ABCC1: variants seen among roughly 807,000 people sequenced by gnomAD.
The protein encoded by ABCC1 is multidrug resistance-associated protein 1.
A neutral mutation model predicts 172.9 loss-of-function variants in ABCC1; 83 were observed. The ratio of observed to expected loss-of-function variants is 0.48; its 90% CI spans 0.40 to 0.58. The LOEUF is 0.58. Among genes scored for constraint, ABCC1 ranks in the 20% least tolerant of loss-of-function variants. The pLI is 0.00. For missense variants in ABCC1, 1,817 were observed against 2,002.7 expected, an observed-to-expected ratio of 0.91 and a Z score of 1.77; for synonymous variants, 937 against 825.2, an observed-to-expected ratio of 1.14 and a Z score of -2.32.
intron 22 of ABCC1, among the ~76,000 whole-genome samples, chr16:16,113,653 C>T (rs1195015876): frequency 6.6e-6 from 1 of 152,066 alleles, no homozygotes; most frequent in Admixed American, 6.6e-5. Flanking sequence ...AGAGAGACCC[C>T]ATCTCAAAAG....
chr16:16,132,661 A>AC (rs2045749484), intron 27 of ABCC1, among the ~76,000 whole-genome samples: 1 of 151,408 alleles, frequency 6.6e-6, no homozygotes, highest in Non-Finnish European at 1.5e-5. Context: ...AGCTGGGACT[A>AC]CAGGCATGCG....
chr16:16,115,203 T>C, intron 23 of ABCC1, 127 bp downstream of exon 23: 1 of 1,122,388 alleles, frequency 8.9e-7, no homozygotes, highest in Non-Finnish European at 1.2e-6. Context: ...GATTTGTTTT[T>C]GTCAGTTTCG....
chr16:16,131,096 G>A (rs1359972044), intron 26 of ABCC1, among the ~76,000 whole-genome samples: 11 of 152,108 alleles, frequency 7.2e-5, no homozygotes, highest in Non-Finnish European at 1.3e-4. Context: ...ACTCCAGCCT[G>A]GGCGACAGAG....
intron 23 of ABCC1, among the ~76,000 whole-genome samples, chr16:16,118,262 A>G (rs1016241372): frequency 6.6e-6 from 1 of 152,150 alleles, no homozygotes; most frequent in African/African-American, 2.4e-5. Context: ...ACCACGCTGC[A>G]CAGCTGTTCA....
intron 7 of ABCC1, among the ~76,000 whole-genome samples, chr16:16,043,411 G>A (rs564792348): frequency 1.3e-5 from 2 of 150,924 alleles, no homozygotes; most frequent in South Asian, 4.2e-4. Context: ...CGATTCTCCT[G>A]CCTCAGCCTC....
At chr16:16,044,920 G>C (rs1480716759) in intron 8 of ABCC1, among the ~76,000 whole-genome samples, 1 of 152,142 alleles carries the variant, frequency 6.6e-6, no homozygotes, top group Non-Finnish European at 1.5e-5. Flanking sequence ...AAAGTGCTGG[G>C]ATTGCAGATG....
intron 13 of ABCC1, among the ~76,000 whole-genome samples, chr16:16,071,008 T>C (rs2050324908): frequency 6.6e-6 from 1 of 152,206 alleles, no homozygotes; most frequent in South Asian, 2.1e-4. Context: ...TTGAATTGGC[T>C]CTGTTGCATT....
chr16:16,141,471 G>A lies in ABCC1; in HGVS notation c.*190G>A. The A allele has an allele frequency of 1.7e-6, 1 of 592,514 alleles. No individual in the cohort carries two copies. The highest frequency in any genetic ancestry group is 3.0e-6 in the Non-Finnish European group (1 of 335,110). The allele number at this position is 592,514 out of a possible 1,614,324, so 36.7% of individuals were successfully genotyped here. ...TCCCCTGCCTGGAACTGGCTGTGAA[G>A]ACCCAGGAGAGACAGAGATGCGAAC... On this transcript the variant is annotated 3_prime_UTR_variant, in exon 31 of 31. Coordinates refer to ENST00000399410, the MANE Select transcript of ABCC1 (RefSeq NM_004996.4).
intron 12 of ABCC1, among the ~76,000 whole-genome samples, chr16:16,062,423 T>G (rs983181083): frequency 2.6e-5 from 4 of 152,136 alleles, no homozygotes; most frequent in Admixed American, 2.0e-4. Context: ...CACAGCTCAC[T>G]GCAACCTCCA....
chr16:16,044,844 C>G (rs45627535), intron 8 of ABCC1, among the ~76,000 whole-genome samples, 164 bp downstream of exon 8: 4 of 152,138 alleles, frequency 2.6e-5, no homozygotes, highest in African/African-American at 9.6e-5. Context: ...GAGACAGGGT[C>G]TTGCTTTGTT....
At chr16:16,042,173 GTT>G (rs57457665) in intron 7 of ABCC1, among the ~76,000 whole-genome samples, 33,068 of 133,648 alleles carry the variant, frequency 0.25, 5,297 homozygotes, top group African/African-American at 0.47. Context: ...GAGTTTGGCA[GTT>G]TTTTTTTTTT....
chr16:16,137,462 T>C (rs779901746), intron 29 of ABCC1, among the ~76,000 whole-genome samples: 6 of 151,744 alleles, frequency 4.0e-5, no homozygotes, highest in Non-Finnish European at 8.8e-5. Flanking sequence ...TGGTGTCCCA[T>C]TGGCCAAAGC....
At chr16:16,104,338 G>A (rs1385993460) in intron 20 of ABCC1, among the ~76,000 whole-genome samples, 1 of 152,158 alleles carries the variant, frequency 6.6e-6, no homozygotes, top group Admixed American at 6.5e-5. Flanking sequence ...TTTACAGAGT[G>A]TTGATTGGTC....
intron 1 of ABCC1, among the ~76,000 whole-genome samples, chr16:16,002,572 A>AGACCAGCCT (rs2047352495): frequency 6.6e-6 from 1 of 152,178 alleles, no homozygotes; most frequent in Admixed American, 6.5e-5. Flanking sequence ...CAGGACTTTG[A>AGACCAGCCT]GACCAGCCTG....
chr16:16,009,712 G>C, intron 2 of ABCC1, 64 bp from the exon 3 acceptor site: 7 of 1,487,442 alleles, frequency 4.7e-6, no homozygotes, highest in Admixed American at 2.2e-5. Context: ...TGAGCTGTTC[G>C]TGCAGGCCCT....
chr16:16,079,789 T>TTTA (rs998307718), intron 16 of ABCC1, among the ~76,000 whole-genome samples: 2 of 151,744 alleles, frequency 1.3e-5, no homozygotes, highest in Non-Finnish European at 2.9e-5. Context: ...AAGCTGTTAT[T>TTTA]TTATTATTAT....
chr16:16,046,040 T>C (rs766403597), intron 9 of ABCC1, 27 bp downstream of exon 9: 1 of 1,610,482 alleles, frequency 6.2e-7, no homozygotes, highest in South Asian at 1.1e-5. Context: ...CATTGGCATG[T>C]GGCCCGACTT....
chr16:16,128,037 C>T (rs935414280), intron 26 of ABCC1, among the ~76,000 whole-genome samples: 1 of 151,070 alleles, frequency 6.6e-6, no homozygotes, highest in Non-Finnish European at 1.5e-5. Flanking sequence ...TCTCCTGCCT[C>T]AGCCTCCCAA....
intron 23 of ABCC1, among the ~76,000 whole-genome samples, chr16:16,116,741 G>A (rs1453631954): frequency 6.6e-6 from 1 of 152,024 alleles, no homozygotes; most frequent in African/African-American, 2.4e-5. Context: ...TGTATTTTTA[G>A]TAGAGACGAG....
Sources: allele counts gnomAD v4.1 joint callset (sites outside exome capture counted in the v4.1 genomes callset), GRCh38; gene constraint gnomAD v4.1.1; transcripts MANE v1.5; gene names NCBI Gene and HGNC (gene_info 2026-07-23, HGNC 2026-07-21).